SPPL3: variants seen among roughly 807,000 people sequenced by gnomAD.
The protein encoded by SPPL3 is signal peptide peptidase-like 3.
Under a neutral mutation model 42.4 loss-of-function variants are expected in SPPL3, and 5 were observed. The observed-to-expected ratio is 0.12, with a 90% CI of 0.06 to 0.25. The LOEUF is 0.25. SPPL3 is among the 10% of genes least tolerant of loss of function. The probability of loss-of-function intolerance (pLI) is 1.00; values close to 1 mark genes in which losing one functional copy is unlikely to be tolerated. For missense variants in SPPL3, 235 were observed against 489.0 expected (o/e 0.48, Z 4.90); for synonymous variants, 195 against 181.8 (o/e 1.07, Z -0.58).
intron 1 of SPPL3, among the ~76,000 whole-genome samples, chr12:120,879,648 T>G (rs1360989494): frequency 6.6e-6 from 1 of 151,998 alleles, no homozygotes; most frequent in Non-Finnish European, 1.5e-5. Context: ...TGATTAAAGG[T>G]TCTCATTATC....
chr12:120,774,242 C>A (rs1461160673), intron 6 of SPPL3, among the ~76,000 whole-genome samples: 1 of 152,184 alleles, frequency 6.6e-6, no homozygotes, highest in Non-Finnish European at 1.5e-5. Context: ...CCTCCACCCA[C>A]TTCCTACTTT....
At chr12:120,791,393 T>C in intron 3 of SPPL3, 76 bp downstream of exon 3, 3 of 969,704 alleles carry the variant, frequency 3.1e-6, no homozygotes, top group Non-Finnish European at 4.6e-6. Flanking sequence ...CCCAGTAAAT[T>C]ATTAACTGGA....
chr12:120,800,568 T>C (rs542477312), intron 2 of SPPL3, among the ~76,000 whole-genome samples: 2 of 152,206 alleles, frequency 1.3e-5, no homozygotes, highest in Admixed American at 6.5e-5. Context: ...ACAGAAGGAC[T>C]TGAGCTATGG....
At chr12:120,845,322 C>T in intron 1 of SPPL3, 1 of 350,208 alleles carries the variant, frequency 2.9e-6, no homozygotes, top group Non-Finnish European at 5.8e-6. Context: ...CGTCCTCGGC[C>T]AGCATCCTCA....
chr12:120,871,144 A>AAAAAAAAAAAAAAAAG (rs61249398), intron 1 of SPPL3, among the ~76,000 whole-genome samples: 52 of 142,186 alleles, frequency 3.7e-4, no homozygotes, highest in African/African-American at 1.2e-3. Flanking sequence ...AAAAAAAAAA[A>AAAAAAAAAAAAAAAAG]AAAAAGAAAA....
intron 1 of SPPL3, among the ~76,000 whole-genome samples, chr12:120,869,219 G>A (rs1005746235): frequency 4.6e-5 from 7 of 152,248 alleles, no homozygotes; most frequent in East Asian, 1.9e-4. Flanking sequence ...CAGGTGTGTC[G>A]AATGGTGACT....
chr12:120,899,616 C>T (rs773582985), intron 1 of SPPL3, among the ~76,000 whole-genome samples: 4 of 152,036 alleles, frequency 2.6e-5, no homozygotes, highest in Non-Finnish European at 2.9e-5. Context: ...GATCGCCGGG[C>T]ACAGTGGCTC....
At chr12:120,839,266 C>A (rs1337462816) in intron 1 of SPPL3, among the ~76,000 whole-genome samples, 4 of 148,832 alleles carry the variant, frequency 2.7e-5, no homozygotes, top group Non-Finnish European at 5.9e-5. Flanking sequence ...GGACAAAAAA[C>A]CAAACACCGC....
Position 120,763,970 on chromosome 12 carries a change from A to G in SPPL3, c.*1029T>C, listed in dbSNP as rs990404582. 1 of 152,650 alleles carries G rather than the reference A, an allele frequency of 6.6e-6. No individual in the cohort carries two copies. The highest frequency in any genetic ancestry group is 2.4e-5 in the African/African-American group (1 of 41,462). 9.5% of individuals were successfully genotyped at this position (152,650 alleles called of 1,614,324 possible). A position where few individuals can be genotyped will look rare whatever the true frequency, so the allele number is the denominator to read the frequency against. ...GCACAAAGACACCTGCTGCTATAAT[A>G]CATGCATTGGCTCGAGAAGAAACTA... On this transcript the variant is annotated 3_prime_UTR_variant, in exon 11 of 11. Transcript: ENST00000353487.
intron 1 of SPPL3, among the ~76,000 whole-genome samples, chr12:120,820,806 C>A (rs546839098): frequency 3.8e-4 from 57 of 151,840 alleles, no homozygotes; most frequent in African/African-American, 1.3e-3. Flanking sequence ...AAAATAGTTA[C>A]TTAAGGCTGG....
intron 1 of SPPL3, among the ~76,000 whole-genome samples, chr12:120,892,688 A>T (rs11065315): frequency 0.035 from 5,397 of 152,206 alleles, 112 homozygotes; most frequent in South Asian, 0.066. Context: ...ATACGATACA[A>T]CCCAAAATTA....
At chr12:120,801,025 C>A (rs1231503952) in intron 2 of SPPL3, among the ~76,000 whole-genome samples, 1 of 152,178 alleles carries the variant, frequency 6.6e-6, no homozygotes, top group African/African-American at 2.4e-5. Context: ...ACTTCTCTGA[C>A]ATATTTCAGA....
At chr12:120,828,978 G>T (rs1157670899) in intron 1 of SPPL3, among the ~76,000 whole-genome samples, 1 of 152,060 alleles carries the variant, frequency 6.6e-6, no homozygotes, top group Non-Finnish European at 1.5e-5. Context: ...GCCCAGGCTG[G>T]TCATGAGCTC....
chr12:120,886,308 C>A (rs967914771), intron 1 of SPPL3, among the ~76,000 whole-genome samples: 4 of 152,092 alleles, frequency 2.6e-5, no homozygotes, highest in African/African-American at 9.7e-5. Flanking sequence ...CTATAAACTT[C>A]TGATGAAAAA....
intron 6 of SPPL3, among the ~76,000 whole-genome samples, chr12:120,781,555 G>GTTTTTTTTT (rs527339173): frequency 9.5e-5 from 6 of 63,010 alleles, no homozygotes; most frequent in African/African-American, 4.1e-4. Context: ...TTATTGTTAC[G>GTTTTTTTTT]TTTTTTTTTT....
chr12:120,829,677 A>T (rs1871336285), intron 1 of SPPL3, among the ~76,000 whole-genome samples: 1 of 152,132 alleles, frequency 6.6e-6, no homozygotes, highest in Non-Finnish European at 1.5e-5. Context: ...AGACCAGGAG[A>T]AAATTCTGCA....
intron 1 of SPPL3, among the ~76,000 whole-genome samples, chr12:120,857,552 T>C (rs774100927): frequency 1.2e-4 from 19 of 152,190 alleles, no homozygotes; most frequent in Non-Finnish European, 2.4e-4. Flanking sequence ...CTATTCATAA[T>C]AGCAAAGACA....
rs763082166 is a variant in SPPL3 at position 120,903,912 on chromosome 12, G to C, written c.-45C>G. ...TCCGCTGCAGGCTGTGGCCGGGCCC[G>C]GCGGCGGCGGGCTCGCTCGGGCCGT... is the stretch of plus-strand genomic sequence containing the variant. On this transcript the variant is annotated 5_prime_UTR_variant, in exon 1 of 11. Coordinates refer to ENST00000353487, the MANE Select transcript of SPPL3 (RefSeq NM_139015.5). 1.3e-4 allele frequency: 177 copies of C among 1,324,522 alleles called. 1 individual carries two copies. The highest frequency in any genetic ancestry group is 1.6e-4 in the Non-Finnish European group (168 of 1,038,670). The allele number at this position is 1,324,522 out of a possible 1,614,324, so 82.0% of individuals were successfully genotyped here.
intron 2 of SPPL3, among the ~76,000 whole-genome samples, chr12:120,799,731 CAG>C (rs1261956849): frequency 1.3e-5 from 2 of 152,148 alleles, no homozygotes; most frequent in Non-Finnish European, 2.9e-5. Flanking sequence ...CTGCACAAAA[CAG>C]AAATGGGGCA....
Sources: allele counts gnomAD v4.1 joint callset (sites outside exome capture counted in the v4.1 genomes callset), GRCh38; gene constraint gnomAD v4.1.1; transcripts MANE v1.5; gene names NCBI Gene and HGNC (gene_info 2026-07-23, HGNC 2026-07-21).